AMPD3: variants seen among roughly 807,000 people sequenced by gnomAD.
AMPD3 encodes AMP deaminase 3.
In AMPD3, 57 loss-of-function variants were observed where a neutral mutation model predicts 82.3. The observed-to-expected ratio is 0.69, with a 90% confidence interval of 0.56 to 0.86. The LOEUF (loss-of-function observed/expected upper bound fraction) is 0.86. Ranked by LOEUF, AMPD3 falls within the 40% of genes least tolerant of loss-of-function variation. AMPD3 has a pLI of 0.00. For synonymous variants in AMPD3, 381 were observed against 394.7 expected, an observed-to-expected ratio of 0.97 and a Z score of 0.41; for missense variants, 870 against 1,003.8, an observed-to-expected ratio of 0.87 and a Z score of 1.80.
intron 2 of AMPD3, among the ~76,000 whole-genome samples, chr11:10,470,019 G>A (rs955665636): frequency 2.8e-5 from 4 of 142,712 alleles, no homozygotes; most frequent in African/African-American, 5.3e-5. Flanking sequence ...CAGCCTGGGC[G>A]ACAGAGCGAG....
intron 6 of AMPD3, among the ~76,000 whole-genome samples, chr11:10,492,336 C>T (rs867241847): frequency 1.4e-4 from 22 of 152,320 alleles, no homozygotes; most frequent in Middle Eastern, 3.4e-3. Flanking sequence ...GTCAGTAGAG[C>T]GGCTTCCAGT....
rs367690410 is a variant in AMPD3 at position 10,485,089 on chromosome 11, T to C, written c.809+50T>C. 30 of 1,552,282 alleles carry C rather than the reference T, an allele frequency of 1.9e-5. No individual in the cohort carries two copies. In the African/African-American group the frequency reaches 3.4e-4, roughly 18 times the overall value. On this transcript the variant is annotated intron_variant, in intron 5 of 14. Transcript: ENST00000396553. The stretch of plus-strand genomic sequence containing the variant: ...CTGTCTTTGCACAGGTGCTGTTCTG[T>C]AGGAAGGAGATGAGAAAGGCCTCAC...
upstream of AMPD3, chr11:10,455,151 C>T (rs2071019): frequency 0.061 from 59,972 of 985,268 alleles, 2,294 homozygotes; most frequent in South Asian, 0.22. Context: ...GAGCTCTTCT[C>T]CCCAGGATTT....
chr11:10,495,284 T>C (rs1336170387), intron 8 of AMPD3: 1 of 985,324 alleles, frequency 1.0e-6, no homozygotes, highest in Non-Finnish European at 1.2e-6. Flanking sequence ...GGCCTGGCTT[T>C]CGTGTCTCTG....
Position 10,485,497 on chromosome 11 carries a change from A to G in AMPD3, c.809+458A>G, listed in dbSNP as rs546288849. ...AGAGCTCAGGTAGTGCACCCAACTC[A>G]GCCTCCCAAAGTGCTGAGATTACAA... On this transcript the variant is annotated intron_variant, in intron 5 of 14. Coordinates refer to ENST00000396553, the MANE Select transcript of AMPD3 (RefSeq NM_001025389.2). Among the ~76,000 whole-genome samples, 386 of 152,088 alleles carry G rather than the reference A, an allele frequency of 2.5e-3. 3 individuals carry two copies. The highest frequency in any genetic ancestry group is 4.9e-3 in the Non-Finnish European group (330 of 67,994).
At position 10,503,942 on chromosome 11, in the gene AMPD3, G is replaced by A. The variant is rs1433280434; in HGVS notation, c.2017-607G>A. 4 of 985,306 alleles carry A rather than the reference G, an allele frequency of 4.1e-6. No individual in the cohort carries two copies. In the East Asian group the frequency reaches 4.5e-4, roughly 112 times the overall value. 61.0% of individuals were successfully genotyped at this position (985,306 alleles called of 1,614,324 possible). On this transcript the variant is annotated intron_variant, in intron 13 of 14. Transcript: ENST00000396553. ...TGCTCTAGGCTACAGCGGCAGTGGG[G>A]TGGGGAAGAGGTCACAGACGGCTTG...
intron 7 of AMPD3, 115 bp downstream of exon 7, chr11:10,493,658 C>T (rs1222397569): frequency 1.1e-5 from 13 of 1,177,736 alleles, no homozygotes; most frequent in Non-Finnish European, 2.4e-6. Context: ...AAGCAGCTTT[C>T]TCTTCTATCT....
At chr11:10,461,870 C>A (rs911002202) in intron 2 of AMPD3, 130 bp downstream of exon 2, 4 of 861,394 alleles carry the variant, frequency 4.6e-6, no homozygotes, top group Middle Eastern at 3.1e-4. Context: ...GTTCCTTAAC[C>A]AAGACCACTT....
chr11:10,476,543 C>T (rs1274714279), intron 2 of AMPD3, among the ~76,000 whole-genome samples: 2 of 151,462 alleles, frequency 1.3e-5, no homozygotes, highest in African/African-American at 4.9e-5. Flanking sequence ...TCACCTGTTG[C>T]TTCTTGTTGG....
At chr11:10,501,194 G>A (rs1849569757) in intron 11 of AMPD3, 1 of 985,426 alleles carries the variant, frequency 1.0e-6, no homozygotes, top group Non-Finnish European at 1.2e-6. Flanking sequence ...ACAAGGCCAG[G>A]AGAGGAATTC....
Position 10,493,338 on chromosome 11 carries a change from C to T in AMPD3, c.940-11C>T, listed in dbSNP as rs1406313499. The T allele has an allele frequency of 3.7e-6, 6 of 1,614,046 alleles. No individual in the cohort carries two copies. The highest frequency in any genetic ancestry group is 5.1e-6 in the Non-Finnish European group (6 of 1,180,020). On this transcript the variant is annotated splice_polypyrimidine_tract_variant and intron_variant, in intron 6 of 14. Transcript: ENST00000396553. Reference sequence around the variant, plus strand: ...GGCCTGACTCAGGGCCTGGTGGGCGCTGTGTTCCAGGTGGACACACACATC... The same window carrying T: ...GGCCTGACTCAGGGCCTGGTGGGCGTTGTGTTCCAGGTGGACACACACATC...
rs36003153 is a variant in AMPD3, at chr11:10,495,666, T to C, written c.1363T>C (p.Tyr455His). The change falls in exon 9 of 15, where the codon TAC becomes CAC. Residue 455 changes from tyrosine (Y) to histidine (H), a missense_variant. By Grantham distance (83) the Tyr-to-His change is moderately conservative. Coordinates refer to ENST00000396553, the MANE Select transcript of AMPD3 (RefSeq NM_001025389.2). ...RSPEEWPNLAYWFIQHKVYSP... is the reference protein window; with the variant it reads ...RSPEEWPNLAHWFIQHKVYSP... ...TCCTGAGGAGTGGCCCAACCTGGCCTACTGGTTCATCCAGCACAAGGTCTA... is the reference window on the plus strand; with the variant it reads ...TCCTGAGGAGTGGCCCAACCTGGCCCACTGGTTCATCCAGCACAAGGTCTA... 4.0e-3 allele frequency: 6,428 copies of C among 1,614,124 alleles called. 217 individuals are homozygous for C. In the African/African-American group the frequency reaches 0.072, roughly 18 times the overall value.
chr11:10,461,329 G>A, intron 1 of AMPD3, 186 bp from the exon 2 acceptor site: 1 of 1,580,534 alleles, frequency 6.3e-7, no homozygotes, highest in South Asian at 1.1e-5. Flanking sequence ...GGCCCTACAT[G>A]CTTCACATCC....
chr11:10,476,487 G>A (rs1468537774), intron 2 of AMPD3, among the ~76,000 whole-genome samples: 1 of 151,608 alleles, frequency 6.6e-6, no homozygotes, highest in East Asian at 1.9e-4. Context: ...GTGTGTGTGT[G>A]TGTGGTTTTT....
chr11:10,481,681 C>T (rs1848911010), intron 3 of AMPD3: 1 of 192,818 alleles, frequency 5.2e-6, no homozygotes, highest in Non-Finnish European at 9.5e-6. Context: ...CTTCCAAGGT[C>T]CTCTCCCAGC....
In AMPD3 at chr11:10,461,544, A is replaced by G. The variant is rs1848271016; in HGVS notation, c.25A>G (p.Asn9Asp). MPRQFPKL[N>D]ISEVDEQVRL... ...GATGCCGCGGCAGTTTCCCAAGCTG[A>G]ACATCTCTGAAGTGGATGAGCAAGT... The change falls in exon 2 of 15, where the codon AAC (asparagine) becomes GAC (aspartate). Residue 9 changes from asparagine (N) to aspartate (D), a missense_variant. Asn to Asp is a conservative substitution (Grantham distance 23). Transcript: ENST00000396553. The G allele has an allele frequency of 6.2e-7, 1 of 1,614,086 alleles. No individual in the cohort carries two copies. The highest frequency in any genetic ancestry group is 1.1e-5 in the South Asian group (1 of 91,086).
At chr11:10,454,489 G>A (rs1352405767), upstream of AMPD3, among the ~76,000 whole-genome samples, 6 of 152,206 alleles carry the variant, frequency 3.9e-5, no homozygotes, top group Non-Finnish European at 8.8e-5. Flanking sequence ...GTTAAACAAA[G>A]TTAAGCAGCT....
At chr11:10,452,571 G>T (rs1025533049), upstream of AMPD3, among the ~76,000 whole-genome samples, 3 of 152,030 alleles carry the variant, frequency 2.0e-5, no homozygotes, top group African/African-American at 7.2e-5. Context: ...CCTTCTTCCT[G>T]CACCCAGGTA....
intron 5 of AMPD3, 106 bp from the exon 6 acceptor site, chr11:10,487,129 G>A (rs776446251): frequency 5.8e-5 from 92 of 1,589,530 alleles, no homozygotes; most frequent in Middle Eastern, 5.1e-4. Context: ...GCCCTGCTCC[G>A]TCCTGACCCT....
Sources: gnomAD v4.1 joint callset for allele counts (sites outside exome capture counted in the v4.1 genomes callset) on GRCh38, gnomAD v4.1.1 for gene constraint, MANE v1.5 for transcripts, NCBI Gene and HGNC (gene_info 2026-07-23, HGNC 2026-07-21) for gene names.